PCCA: variants seen among roughly 807,000 people sequenced by gnomAD.
PCCA encodes the protein propionyl-CoA carboxylase alpha chain, mitochondrial.
In PCCA, 74 loss-of-function variants were observed where a neutral mutation model predicts 101.3. That is an observed-to-expected ratio of 0.73 (90% confidence interval 0.61 to 0.89). PCCA has a LOEUF of 0.89. Among genes scored for constraint, PCCA ranks in the 40% least tolerant of loss-of-function variants. The probability of loss-of-function intolerance (pLI) is 0.00; values close to 1 mark genes in which losing one functional copy is unlikely to be tolerated. For missense variants in PCCA, 891 were observed against 907.0 expected (o/e 0.98, Z 0.23); for synonymous variants, 294 against 313.6 (o/e 0.94, Z 0.66).
intron 12 of PCCA, among the ~76,000 whole-genome samples, chr13:100,285,748 A>C (rs1326208512): frequency 6.6e-6 from 1 of 152,076 alleles, no homozygotes; most frequent in Admixed American, 6.6e-5. Context: ...ACTGCCAACA[A>C]ATTATAGTCC....
chr13:100,226,946 GTAAC>G (rs1248987920), intron 7 of PCCA, among the ~76,000 whole-genome samples: 1 of 152,202 alleles, frequency 6.6e-6, no homozygotes, highest in East Asian at 1.9e-4. Context: ...AGGCACTCTA[GTAAC>G]TCAGTCACAG....
At chr13:100,155,543 A>G (rs544307891) in intron 5 of PCCA, among the ~76,000 whole-genome samples, 1 of 152,336 alleles carries the variant, frequency 6.6e-6, no homozygotes, top group South Asian at 2.1e-4. Flanking sequence ...TAATTATTTT[A>G]GTTTGTTAAT....
At position 100,136,256 on chromosome 13, in the gene PCCA, G is replaced by C. The variant is rs1025689974; in HGVS notation, c.301-18723G>C. Among the ~76,000 whole-genome samples the C allele has an allele frequency of 2.0e-5, 3 of 147,724 alleles. No individual in the cohort carries two copies. In the South Asian group the frequency reaches 6.5e-4, roughly 32 times the overall value. ...GCTGGAGTGCAATGGTGTGATCTCGGCTCACTGCAACCTCCACCTCCCGGG... is the reference window on the plus strand; with the variant it reads ...GCTGGAGTGCAATGGTGTGATCTCGCCTCACTGCAACCTCCACCTCCCGGG... On this transcript the variant is annotated intron_variant, in intron 4 of 23. Transcript: ENST00000376285.
chr13:100,226,127 T>A (rs2060133422), intron 7 of PCCA, among the ~76,000 whole-genome samples: 1 of 152,158 alleles, frequency 6.6e-6, no homozygotes, highest in South Asian at 2.1e-4. Flanking sequence ...GAAAGAATCT[T>A]CTGCCTGACT....
chr13:100,302,403 C>A lies in PCCA; in HGVS notation c.1210-521C>A, dbSNP rs771746496. 3.9e-5 allele frequency among the ~76,000 whole-genome samples: 6 copies of A among 151,950 alleles called. 1 individual carries two copies. In the South Asian group the frequency reaches 1.2e-3, roughly 32 times the overall value. ...TTCATATTTTAAGTAGTATTACTTT[C>A]ATTCTTATGACACTGAACCTGTTTA... is the stretch of plus-strand genomic sequence containing the variant. On this transcript the variant is annotated intron_variant, in intron 13 of 23. Coordinates refer to ENST00000376285, the MANE Select transcript of PCCA (RefSeq NM_000282.4).
rs115023110 is a variant in PCCA, at chr13:100,106,794, G to A, written c.183+3834G>A. Among the ~76,000 whole-genome samples, 663 of 152,264 alleles carry A rather than the reference G, an allele frequency of 4.4e-3. 5 individuals carry two copies. Among genetic ancestry groups the A allele is most frequent in the African/African-American group, 0.015 (617 of 41,574 alleles). On this transcript the variant is annotated intron_variant, in intron 2 of 23. Coordinates refer to ENST00000376285, the MANE Select transcript of PCCA (RefSeq NM_000282.4). ...CCTTGGAATTCACTTAGCATGTTTCGTCATAAATCCTGAAATCAATTCTGC... is the reference window on the plus strand; with the variant it reads ...CCTTGGAATTCACTTAGCATGTTTCATCATAAATCCTGAAATCAATTCTGC...
chr13:100,209,063 G>A (rs1267754129), intron 6 of PCCA, among the ~76,000 whole-genome samples: 1 of 152,100 alleles, frequency 6.6e-6, no homozygotes, highest in East Asian at 1.9e-4. Context: ...CAAATACAGT[G>A]TCATAGAGTG....
intron 12 of PCCA, among the ~76,000 whole-genome samples, chr13:100,292,875 A>C (rs527348463): frequency 6.6e-6 from 1 of 151,812 alleles, no homozygotes; most frequent in South Asian, 2.1e-4. Flanking sequence ...TATTTACTAC[A>C]TGGCTTAGGC....
intron 8 of PCCA, among the ~76,000 whole-genome samples, chr13:100,247,059 C>T (rs185473063): frequency 4.6e-4 from 70 of 151,988 alleles, no homozygotes; most frequent in Non-Finnish European, 6.2e-4. Context: ...CAGGCACCCA[C>T]CACCATGCCC....
At chr13:100,326,069 C>T (rs1219622642) in intron 16 of PCCA, among the ~76,000 whole-genome samples, 1 of 152,142 alleles carries the variant, frequency 6.6e-6, no homozygotes, top group African/African-American at 2.4e-5. Context: ...ACTGAAGATG[C>T]ATTGTTGTCA....
At chr13:100,299,872 C>T (rs1252433877) in intron 12 of PCCA, among the ~76,000 whole-genome samples, 5 of 152,150 alleles carry the variant, frequency 3.3e-5, no homozygotes, top group African/African-American at 1.2e-4. Context: ...GCCACCACAC[C>T]CGGCTAATTG....
At chr13:100,521,403 G>A (rs1329204029) in intron 22 of PCCA, among the ~76,000 whole-genome samples, 1 of 152,208 alleles carries the variant, frequency 6.6e-6, no homozygotes, top group Non-Finnish European at 1.5e-5. Context: ...GGCCATTAAA[G>A]GAGTCTTCAG....
chr13:100,244,351 G>T (rs564560764), intron 8 of PCCA, among the ~76,000 whole-genome samples: 2 of 152,144 alleles, frequency 1.3e-5, no homozygotes, highest in African/African-American at 4.8e-5. Flanking sequence ...TTTCCAATGG[G>T]TGCTTATATT....
chr13:100,459,081 G>A (rs1387305158), intron 21 of PCCA, among the ~76,000 whole-genome samples: 3 of 152,070 alleles, frequency 2.0e-5, no homozygotes, highest in African/African-American at 7.2e-5. Context: ...TGCCTTCCTT[G>A]GCTTGTGGCT....
intron 8 of PCCA, among the ~76,000 whole-genome samples, chr13:100,246,818 T>C (rs963616521): frequency 2.0e-5 from 3 of 151,994 alleles, no homozygotes; most frequent in African/African-American, 7.3e-5. Context: ...AAAGAGTGTA[T>C]ATTCTCAAAT....
intron 12 of PCCA, among the ~76,000 whole-genome samples, chr13:100,297,214 A>C (rs2065620340): frequency 6.6e-6 from 1 of 152,156 alleles, no homozygotes; most frequent in African/African-American, 2.4e-5. Context: ...GCGTTTCTAC[A>C]CTGTAGACTT....
intron 6 of PCCA, among the ~76,000 whole-genome samples, chr13:100,189,150 A>G (rs1401609524): frequency 2.0e-5 from 3 of 151,582 alleles, no homozygotes; most frequent in Non-Finnish European, 4.4e-5. Context: ...TGGTTTTCTG[A>G]TCTTGTGATA....
At chr13:100,294,190 T>C (rs2065345927) in intron 12 of PCCA, among the ~76,000 whole-genome samples, 1 of 152,150 alleles carries the variant, frequency 6.6e-6, no homozygotes. Flanking sequence ...TGGGTCCTGA[T>C]CTTCTCTTAT....
chr13:100,177,947 C>T (rs933851992), intron 6 of PCCA, among the ~76,000 whole-genome samples: 10 of 152,034 alleles, frequency 6.6e-5, no homozygotes, highest in Admixed American at 6.5e-4. Flanking sequence ...TGAAGTTTCT[C>T]TTTTCCCTGT....
Sources: gnomAD v4.1 joint callset for allele counts (sites outside exome capture counted in the v4.1 genomes callset) on GRCh38, gnomAD v4.1.1 for gene constraint, MANE v1.5 for transcripts, NCBI Gene and HGNC (gene_info 2026-07-23, HGNC 2026-07-21) for gene names.